Variants in BICDL1 observed in about 807,000 individuals in gnomAD.
The protein encoded by BICDL1 is BICD family like cargo adaptor 1, also known as BICD family-like cargo adapter 1.
In BICDL1, 20 loss-of-function variants were observed where a neutral mutation model predicts 76.8. The observed-to-expected ratio is 0.26, with a 90% CI of 0.18 to 0.38. The LOEUF (loss-of-function observed/expected upper bound fraction) is 0.38, where lower values mean the gene tolerates loss of function less well. Among genes scored for constraint, BICDL1 ranks in the 10% least tolerant of loss-of-function variants. BICDL1 has a pLI of 1.00. For missense variants in BICDL1, 700 were observed against 798.6 expected (o/e 0.88, Z 1.49); for synonymous variants, 383 against 337.1 (o/e 1.14, Z -1.49).
chr12:120,092,386 C>T (rs1010778835), intron 9 of BICDL1: 192 of 985,370 alleles, frequency 1.9e-4, no homozygotes, highest in Non-Finnish European at 2.2e-4. Flanking sequence ...CCCTGAAGAC[C>T]GTGAGGCCCC....
At chr12:120,028,540 G>A (rs544237789) in intron 2 of BICDL1, among the ~76,000 whole-genome samples, 66 of 152,248 alleles carry the variant, frequency 4.3e-4, no homozygotes, top group African/African-American at 1.5e-3. Flanking sequence ...GCCGGGCGTG[G>A]TGGCAGGCGC....
chr12:120,009,049 G>A (rs973037472), intron 2 of BICDL1, among the ~76,000 whole-genome samples: 2 of 151,498 alleles, frequency 1.3e-5, no homozygotes, highest in African/African-American at 4.9e-5. Context: ...GTGCAGTGGC[G>A]CAATCTCGGC....
Position 120,064,751 on chromosome 12 carries a change from C to A in BICDL1, c.781C>A (p.Arg261=), listed in dbSNP as rs765235056. Residue 261 remains arginine, a synonymous_variant, in exon 4 of 10, where the codon CGG becomes AGG. Coordinates refer to ENST00000548673, the MANE Select transcript of BICDL1 (RefSeq NM_001367886.1). ...LQAEIKMLSD[R]KRELEHRLSA... is the part of the protein sequence containing the mutation. The stretch of plus-strand genomic sequence containing the variant: ...CTTTCAGATCAAGATGCTGTCAGAT[C>A]GGAAACGGGAGCTGGAGCATCGTCT... The A allele has an allele frequency of 1.9e-6, 3 of 1,611,516 alleles. No individual in the cohort carries two copies. Among genetic ancestry groups the A allele is most frequent in the East Asian group, 2.2e-5 (1 of 44,746 alleles).
At position 120,077,268 on chromosome 12, in the gene BICDL1, C is replaced by T. The variant is rs145557427; in HGVS notation, c.1452+2682C>T. Among the ~76,000 whole-genome samples, 245 of 152,316 alleles carry T rather than the reference C, an allele frequency of 1.6e-3. 1 individual carries two copies. The highest frequency in any genetic ancestry group is 3.4e-3 in the Middle Eastern group (1 of 294). The stretch of plus-strand genomic sequence containing the variant: ...TAGAAGCAAAATCCATACCCAGACC[C>T]GAAGACTTGCTGGCACCTGTTATTG... On this transcript the variant is annotated intron_variant, in intron 7 of 9. Transcript: ENST00000548673.
intron 2 of BICDL1, among the ~76,000 whole-genome samples, chr12:120,041,885 G>A (rs1422073877): frequency 1.3e-5 from 2 of 152,180 alleles, no homozygotes; most frequent in East Asian, 3.9e-4. Context: ...ATGCAGGGAG[G>A]AATCCTGTAG....
chr12:120,082,060 C>T (rs891661091), intron 8 of BICDL1, among the ~76,000 whole-genome samples: 1 of 152,066 alleles, frequency 6.6e-6, no homozygotes, highest in Admixed American at 6.6e-5. Context: ...TAGAATCAGA[C>T]TCCGAAGCCT....
chr12:120,088,246 T>A (rs1478453222), intron 8 of BICDL1, among the ~76,000 whole-genome samples: 1 of 152,146 alleles, frequency 6.6e-6, no homozygotes, highest in African/African-American at 2.4e-5. Flanking sequence ...ACAGGCAGTT[T>A]TTGTTTTACA....
chr12:119,999,197 A>G (rs1375113499), intron 2 of BICDL1, among the ~76,000 whole-genome samples: 1 of 152,036 alleles, frequency 6.6e-6, no homozygotes, highest in Non-Finnish European at 1.5e-5. Flanking sequence ...GAACTTTGGT[A>G]TTACTGAACT....
At chr12:120,045,161 T>A (rs2138825695) in intron 2 of BICDL1, among the ~76,000 whole-genome samples, 1 of 152,108 alleles carries the variant, frequency 6.6e-6, no homozygotes, top group African/African-American at 2.4e-5. Context: ...AAAAAACACA[T>A]GAAAAAATGC....
At chr12:120,083,217 A>G (rs1359875938) in intron 8 of BICDL1, among the ~76,000 whole-genome samples, 1 of 152,120 alleles carries the variant, frequency 6.6e-6, no homozygotes, top group Admixed American at 6.5e-5. Context: ...TTTGGAAACA[A>G]ACATATTTAC....
Position 120,071,906 on chromosome 12 carries a change from T to C in BICDL1, c.1089+105T>C. On this transcript the variant is annotated intron_variant, in intron 5 of 9. Coordinates refer to ENST00000548673, the MANE Select transcript of BICDL1 (RefSeq NM_001367886.1). The surrounding 1 kb of genome is among the most constrained non-coding windows in gnomAD (Gnocchi z 4.8). The stretch of plus-strand genomic sequence containing the variant: ...CCATCCTGGCAAGGCTGTGCCCCTG[T>C]GCCTGTGTCAGCCCCTTGGCCTGCT... 7.0e-7 allele frequency: 1 copy of C among 1,422,942 alleles called. No homozygotes were observed. Among genetic ancestry groups the C allele is most frequent in the Non-Finnish European group, 9.2e-7 (1 of 1,090,276 alleles). The allele number at this position is 1,422,942 out of a possible 1,614,324, so 88.1% of individuals were successfully genotyped here.
In BICDL1 at chr12:120,031,730, C is replaced by T. The variant is rs527579460; in HGVS notation, c.646-29980C>T. Among the ~76,000 whole-genome samples, 24 of 152,248 alleles carry T rather than the reference C, an allele frequency of 1.6e-4. No homozygotes were observed. The East Asian group carries it at 4.3e-3, about 27-fold the overall frequency. On this transcript the variant is annotated intron_variant, in intron 2 of 9. Transcript: ENST00000548673. The stretch of plus-strand genomic sequence containing the variant: ...AAATCAAGACTAGAGTCTGCACATT[C>T]ATGAAAGTGGTAGATCCCTGTGTAA...
chr12:120,045,184 G>A (rs1952721370), intron 2 of BICDL1, among the ~76,000 whole-genome samples: 1 of 152,102 alleles, frequency 6.6e-6, no homozygotes, highest in Non-Finnish European at 1.5e-5. Context: ...ACCATCACTG[G>A]CCATCAGAGA....
chr12:120,074,367 A>G, intron 6 of BICDL1, 76 bp from the exon 7 acceptor site: 2 of 951,280 alleles, frequency 2.1e-6, no homozygotes, highest in Non-Finnish European at 2.5e-6. Context: ...CTCCCCGACT[A>G]ACCATCTCTC....
At chr12:120,088,906 C>T (rs542616920) in intron 8 of BICDL1, among the ~76,000 whole-genome samples, 5 of 152,090 alleles carry the variant, frequency 3.3e-5, no homozygotes, top group Non-Finnish European at 5.9e-5. Context: ...CCTCGTGATC[C>T]GCCCGCCTTG....
intron 2 of BICDL1, among the ~76,000 whole-genome samples, chr12:120,048,386 C>G (rs1952789908): frequency 6.6e-6 from 1 of 152,124 alleles, no homozygotes; most frequent in South Asian, 2.1e-4. Flanking sequence ...TCTCCTTTAG[C>G]CTTTCACTGT....
intron 2 of BICDL1, among the ~76,000 whole-genome samples, chr12:120,015,071 T>C (rs1952033005): frequency 6.6e-6 from 1 of 152,142 alleles, no homozygotes; most frequent in African/African-American, 2.4e-5. Flanking sequence ...AGAGGACACA[T>C]AATTCAAGAT....
chr12:120,045,420 T>G (rs1952727516), intron 2 of BICDL1, among the ~76,000 whole-genome samples: 1 of 152,070 alleles, frequency 6.6e-6, no homozygotes, highest in South Asian at 2.1e-4. Flanking sequence ...CATTACTGGG[T>G]ATATACCCAA....
At chr12:120,082,172 C>T (rs1874044477) in intron 8 of BICDL1, among the ~76,000 whole-genome samples, 2 of 152,176 alleles carry the variant, frequency 1.3e-5, no homozygotes, top group African/African-American at 4.8e-5. Flanking sequence ...TCATTTCTCT[C>T]ATAGATTTGC....
Sources: gnomAD v4.1 joint callset for allele counts (sites outside exome capture counted in the v4.1 genomes callset) on GRCh38, gnomAD v4.1.1 for gene constraint, Gnocchi (gnomAD v3.1) non-coding constraint, MANE v1.5 for transcripts, NCBI Gene and HGNC (gene_info 2026-07-23, HGNC 2026-07-21) for gene names.